CLSTN2: variants seen among roughly 807,000 people sequenced by gnomAD.
CLSTN2 encodes the protein calsyntenin-2.
In CLSTN2, 48 loss-of-function variants were observed where a neutral mutation model predicts 101.2. The observed-to-expected ratio is 0.47, with a 90% CI of 0.38 to 0.60. The LOEUF (loss-of-function observed/expected upper bound fraction) is 0.60, where lower values mean the gene tolerates loss of function less well. CLSTN2 is among the 20% of genes least tolerant of loss of function. The pLI is 0.00. For missense variants in CLSTN2, 1,160 were observed against 1,238.2 expected, an observed-to-expected ratio of 0.94 and a Z score of 0.95; for synonymous variants, 481 against 463.6, an observed-to-expected ratio of 1.04 and a Z score of -0.48.
intron 1 of CLSTN2, among the ~76,000 whole-genome samples, chr3:139,943,407 G>T (rs1314818888): frequency 6.6e-6 from 1 of 152,150 alleles, no homozygotes; most frequent in Non-Finnish European, 1.5e-5. Flanking sequence ...CACCAGGCCT[G>T]CAAGAAACTC....
At chr3:140,233,076 A>G (rs1244141545) in intron 2 of CLSTN2, among the ~76,000 whole-genome samples, 1 of 152,114 alleles carries the variant, frequency 6.6e-6, no homozygotes, top group Non-Finnish European at 1.5e-5. Context: ...TTACCCTAAG[A>G]ATTGGGCCCC....
At chr3:139,955,808 A>C (rs1010831666) in intron 1 of CLSTN2, among the ~76,000 whole-genome samples, 13 of 152,170 alleles carry the variant, frequency 8.5e-5, no homozygotes, top group African/African-American at 3.1e-4. Flanking sequence ...GATAGGGGAC[A>C]TTCGTTTCTT....
intron 2 of CLSTN2, among the ~76,000 whole-genome samples, chr3:140,215,652 T>C (rs1374256887): frequency 2.0e-5 from 3 of 152,116 alleles, no homozygotes; most frequent in South Asian, 4.2e-4. Context: ...CAGTAGAGTA[T>C]AGCAATAGTG....
rs551530259 is a variant in CLSTN2 at position 140,221,911 on chromosome 3, G to A, written c.232+45838G>A. On this transcript the variant is annotated intron_variant, in intron 2 of 16. Coordinates refer to ENST00000458420, the MANE Select transcript of CLSTN2 (RefSeq NM_022131.3). Reference sequence around the variant, plus strand: ...AAGTACTATGGCAAACAGTTTGGAGGTTCCTCCAAAAATTAAAAATAGAGC... The same window carrying A: ...AAGTACTATGGCAAACAGTTTGGAGATTCCTCCAAAAATTAAAAATAGAGC... 1.9e-3 allele frequency among the ~76,000 whole-genome samples: 290 copies of A among 152,096 alleles called. 2 individuals are homozygous for A. Among genetic ancestry groups the A allele is most frequent in the African/African-American group, 6.7e-3 (278 of 41,502 alleles).
intron 1 of CLSTN2, among the ~76,000 whole-genome samples, chr3:140,105,074 T>A (rs890393643): frequency 1.3e-5 from 2 of 152,240 alleles, no homozygotes; most frequent in African/African-American, 2.4e-5. Context: ...TCAAGTCTTG[T>A]GATATTTCTA....
At chr3:140,012,855 T>C (rs2007116493) in intron 1 of CLSTN2, among the ~76,000 whole-genome samples, 1 of 152,204 alleles carries the variant, frequency 6.6e-6, no homozygotes, top group South Asian at 2.1e-4. Context: ...GGGAAACTGA[T>C]GAGCCTGAAA....
chr3:140,520,448 G>A (rs1437136340), intron 8 of CLSTN2, among the ~76,000 whole-genome samples: 2 of 152,204 alleles, frequency 1.3e-5, no homozygotes, highest in African/African-American at 4.8e-5. Context: ...GTCAGTGCAG[G>A]CAGGGAAAAG....
chr3:140,142,632 G>A (rs2009718751), intron 1 of CLSTN2, among the ~76,000 whole-genome samples: 1 of 152,130 alleles, frequency 6.6e-6, no homozygotes, highest in Admixed American at 6.6e-5. Flanking sequence ...TTCTTTTCAT[G>A]TGACAAGAAT....
At chr3:140,506,146 ACT>A (rs1399318187) in intron 8 of CLSTN2, 1 of 152,058 alleles carries the variant, frequency 6.6e-6, no homozygotes, top group Non-Finnish European at 1.5e-5. Context: ...TTGTGTAATC[ACT>A]CTCTGCTATT....
intron 2 of CLSTN2, among the ~76,000 whole-genome samples, chr3:140,373,147 C>T (rs371804207): frequency 5.9e-5 from 9 of 152,236 alleles, no homozygotes; most frequent in African/African-American, 2.2e-4. Flanking sequence ...GTTTTTAACT[C>T]GGTATTTTCC....
chr3:140,261,330 A>C (rs2086652286), intron 2 of CLSTN2, among the ~76,000 whole-genome samples: 1 of 152,090 alleles, frequency 6.6e-6, no homozygotes, highest in South Asian at 2.1e-4. Flanking sequence ...GTACTACTTT[A>C]TTTTACACTG....
intron 2 of CLSTN2, among the ~76,000 whole-genome samples, chr3:140,305,043 C>G (rs959823839): frequency 6.8e-6 from 1 of 146,792 alleles, no homozygotes; most frequent in African/African-American, 2.5e-5. Context: ...CACACACACA[C>G]ACACACACAC....
At chr3:140,441,405 C>A (rs1207440248) in intron 5 of CLSTN2, among the ~76,000 whole-genome samples, 1 of 152,246 alleles carries the variant, frequency 6.6e-6, no homozygotes, top group African/African-American at 2.4e-5. Context: ...GCCCATGTTT[C>A]TTAACCACTC....
intron 8 of CLSTN2, chr3:140,506,851 G>A (rs1206010169): frequency 1.3e-5 from 2 of 152,180 alleles, no homozygotes; most frequent in Non-Finnish European, 2.9e-5. Flanking sequence ...AATGTAAAAT[G>A]TAATAATTTT....
intron 1 of CLSTN2, among the ~76,000 whole-genome samples, chr3:139,948,171 A>G (rs1441239708): frequency 1.3e-5 from 2 of 152,024 alleles, no homozygotes; most frequent in African/African-American, 4.8e-5. Flanking sequence ...ACTGCTTTTG[A>G]AGGTAGGGTT....
chr3:140,429,037 T>C (rs985300537), intron 5 of CLSTN2, among the ~76,000 whole-genome samples: 2 of 152,114 alleles, frequency 1.3e-5, no homozygotes, highest in Admixed American at 1.3e-4. Flanking sequence ...AGATGCTGAG[T>C]GTGTCTAACA....
intron 8 of CLSTN2, among the ~76,000 whole-genome samples, chr3:140,504,124 G>A (rs1934637001): frequency 6.6e-6 from 1 of 152,202 alleles, no homozygotes; most frequent in African/African-American, 2.4e-5. Flanking sequence ...GGCTTTGCCA[G>A]GCAGTTCTGA....
At chr3:140,011,368 G>A (rs1395296570) in intron 1 of CLSTN2, among the ~76,000 whole-genome samples, 1 of 152,144 alleles carries the variant, frequency 6.6e-6, no homozygotes, top group East Asian at 1.9e-4. Flanking sequence ...GGTAGGGGGA[G>A]GTGGCTATTC....
intron 2 of CLSTN2, among the ~76,000 whole-genome samples, chr3:140,396,276 G>C (rs929495386): frequency 6.6e-6 from 1 of 152,006 alleles, no homozygotes; most frequent in African/African-American, 2.4e-5. Context: ...GTCATTCAGA[G>C]AAAAAAATGT....
Sources: gnomAD v4.1 joint callset for allele counts (sites outside exome capture counted in the v4.1 genomes callset) on GRCh38, gnomAD v4.1.1 for gene constraint, MANE v1.5 for transcripts, NCBI Gene and HGNC (gene_info 2026-07-23, HGNC 2026-07-21) for gene names.